Variants in AKAP6 observed in about 807,000 individuals in gnomAD.
AKAP6 encodes the protein A-kinase anchoring protein 6, also known as A-kinase anchor protein 6.
A neutral mutation model predicts 188.5 loss-of-function variants in AKAP6; 58 were observed. That is an observed-to-expected ratio of 0.31 (90% CI 0.25 to 0.38). The LOEUF is 0.38. Among genes scored for constraint, AKAP6 ranks in the 10% least tolerant of loss-of-function variants. The probability of loss-of-function intolerance (pLI) is 1.00; values close to 1 mark genes in which losing one functional copy is unlikely to be tolerated. For synonymous variants in AKAP6, 989 were observed against 998.6 expected, an observed-to-expected ratio of 0.99 and a Z score of 0.18; for missense variants, 2,710 against 2,740.0, an observed-to-expected ratio of 0.99 and a Z score of 0.24.
chr14:32,424,012 A>C (rs1257867903), intron 1 of AKAP6, among the ~76,000 whole-genome samples: 1 of 152,090 alleles, frequency 6.6e-6, no homozygotes, highest in East Asian at 1.9e-4. Context: ...CTCTTTCTCT[A>C]TCTTTTCTTT....
intron 13 of AKAP6, among the ~76,000 whole-genome samples, chr14:32,826,932 C>A (rs544764624): frequency 9.2e-5 from 14 of 152,088 alleles, no homozygotes; most frequent in Admixed American, 2.6e-4. Flanking sequence ...ACATCGCCCC[C>A]AAGTGACTTG....
chr14:32,634,229 A>G (rs1887395462), intron 7 of AKAP6, among the ~76,000 whole-genome samples: 1 of 152,090 alleles, frequency 6.6e-6, no homozygotes, highest in African/African-American at 2.4e-5. Context: ...GGATAATTCA[A>G]GAAGGATAAT....
chr14:32,460,047 T>C (rs868214233), intron 2 of AKAP6, among the ~76,000 whole-genome samples: 1 of 152,160 alleles, frequency 6.6e-6, no homozygotes, highest in Non-Finnish European at 1.5e-5. Context: ...ATCAATAAAT[T>C]AGTCTTGCCA....
chr14:32,687,248 G>T (rs1179789028), intron 8 of AKAP6, among the ~76,000 whole-genome samples: 2 of 152,046 alleles, frequency 1.3e-5, no homozygotes, highest in African/African-American at 4.8e-5. Flanking sequence ...GACCAAATTT[G>T]TTTATCTAAA....
intron 2 of AKAP6, among the ~76,000 whole-genome samples, chr14:32,507,666 G>T (rs991568172): frequency 6.6e-6 from 1 of 152,066 alleles, no homozygotes; most frequent in African/African-American, 2.4e-5. Flanking sequence ...AATGAGTGAT[G>T]CAGTCAAGTG....
chr14:32,409,525 C>T (rs1435923917), intron 1 of AKAP6, among the ~76,000 whole-genome samples: 1 of 152,230 alleles, frequency 6.6e-6, no homozygotes, highest in Non-Finnish European at 1.5e-5. Flanking sequence ...AGCCCCTTAT[C>T]CTTGAACATG....
At chr14:32,681,195 C>A (rs1889661477) in intron 8 of AKAP6, among the ~76,000 whole-genome samples, 1 of 152,102 alleles carries the variant, frequency 6.6e-6, no homozygotes, top group Non-Finnish European at 1.5e-5. Context: ...AAAGTATAAC[C>A]ATCTCTTTTT....
rs368981250 is a variant in AKAP6, at chr14:32,736,276, G to A, written c.3372+394G>A. Reference sequence around the variant, plus strand: ...TATGATAAAAACACATGATTTAATCGAAGTCCATTACTGCTAACAAAAGGA... The same window carrying A: ...TATGATAAAAACACATGATTTAATCAAAGTCCATTACTGCTAACAAAAGGA... On this transcript the variant is annotated intron_variant, in intron 11 of 13. Transcript: ENST00000280979. 2.5e-4 allele frequency among the ~76,000 whole-genome samples: 38 copies of A among 152,154 alleles called. 2 individuals carry two copies. In the South Asian group the frequency reaches 7.1e-3, roughly 28 times the overall value.
At chr14:32,332,887 G>A (rs1179118873) in intron 1 of AKAP6, among the ~76,000 whole-genome samples, 2 of 152,104 alleles carry the variant, frequency 1.3e-5, no homozygotes, top group Non-Finnish European at 2.9e-5. Context: ...TGGAAGCCTT[G>A]TGTTTGAGGA....
chr14:32,395,041 G>A (rs1481646980), intron 1 of AKAP6, among the ~76,000 whole-genome samples: 1 of 151,370 alleles, frequency 6.6e-6, no homozygotes, highest in Non-Finnish European at 1.5e-5. Context: ...GAATTAAGTA[G>A]TAATATGGCG....
intron 4 of AKAP6, among the ~76,000 whole-genome samples, chr14:32,559,980 G>C (rs2139203665): frequency 6.6e-6 from 1 of 152,000 alleles, no homozygotes; most frequent in East Asian, 1.9e-4. Flanking sequence ...AGGGCAAATT[G>C]ATAAAATTTT....
At chr14:32,789,673 G>T (rs2033548387) in intron 12 of AKAP6, among the ~76,000 whole-genome samples, 1 of 152,076 alleles carries the variant, frequency 6.6e-6, no homozygotes. Flanking sequence ...AAAACAAACA[G>T]AAAACAACAA....
intron 3 of AKAP6, among the ~76,000 whole-genome samples, chr14:32,543,708 A>G (rs950267013): frequency 6.6e-6 from 1 of 152,170 alleles, no homozygotes; most frequent in Non-Finnish European, 1.5e-5. Context: ...GGCAGTGTGG[A>G]AAACGAATTG....
intron 2 of AKAP6, among the ~76,000 whole-genome samples, chr14:32,531,645 C>G (rs1048385349): frequency 6.6e-6 from 1 of 152,022 alleles, no homozygotes; most frequent in African/African-American, 2.4e-5. Context: ...AGAATCATGC[C>G]CTCCCCATCC....
chr14:32,640,198 TC>T (rs1887695532), intron 7 of AKAP6, among the ~76,000 whole-genome samples: 1 of 152,154 alleles, frequency 6.6e-6, no homozygotes, highest in Non-Finnish European at 1.5e-5. Flanking sequence ...GTAGCTCCTA[TC>T]TTGTTTATCC....
chr14:32,777,203 C>A (rs1460581124), intron 12 of AKAP6, among the ~76,000 whole-genome samples: 1 of 152,150 alleles, frequency 6.6e-6, no homozygotes, highest in Admixed American at 6.5e-5. Flanking sequence ...TTTAACTATA[C>A]TCCCAGGACA....
rs116601631 is a variant in AKAP6, at chr14:32,353,247, A to C, written c.-35+23839A>C. On this transcript the variant is annotated intron_variant, in intron 1 of 13. Transcript: ENST00000280979. ...ACCTCCTTTCTCTGGGTTTTATAGA[A>C]AGAGGAAAAATATTGTTAAAAGTAT... is the stretch of plus-strand genomic sequence containing the variant. 4.1e-3 allele frequency among the ~76,000 whole-genome samples: 624 copies of C among 152,226 alleles called. 3 individuals are homozygous for C. The highest frequency in any genetic ancestry group is 0.014 in the African/African-American group (599 of 41,520).
intron 7 of AKAP6, among the ~76,000 whole-genome samples, chr14:32,634,144 A>C (rs969753094): frequency 6.6e-6 from 1 of 152,112 alleles, no homozygotes; most frequent in Non-Finnish European, 1.5e-5. Flanking sequence ...GACTGAACCC[A>C]GGTCCCAGTG....
At chr14:32,498,014 A>G (rs1022712394) in intron 2 of AKAP6, among the ~76,000 whole-genome samples, 4 of 152,130 alleles carry the variant, frequency 2.6e-5, no homozygotes, top group Admixed American at 1.3e-4. Flanking sequence ...GTATTTATGT[A>G]AAAACTGTGA....
Sources: allele counts gnomAD v4.1 joint callset (sites outside exome capture counted in the v4.1 genomes callset), GRCh38; gene constraint gnomAD v4.1.1; transcripts MANE v1.5; gene names NCBI Gene and HGNC (gene_info 2026-07-23, HGNC 2026-07-21).